Variants in MKX observed in about 807,000 individuals in gnomAD.
The protein encoded by MKX is mohawk homeobox.
A neutral mutation model predicts 36.0 loss-of-function variants in MKX; 13 were observed. The observed-to-expected ratio is 0.36, with a 90% CI of 0.24 to 0.57. The LOEUF (loss-of-function observed/expected upper bound fraction) is 0.57, where lower values mean the gene tolerates loss of function less well. Among genes scored for constraint, MKX ranks in the 20% least tolerant of loss-of-function variants. The pLI is 0.79. For missense variants in MKX, 458 were observed against 456.4 expected (o/e 1.00, Z -0.03); for synonymous variants, 176 against 178.3 (o/e 0.99, Z 0.10).
At chr10:27,731,759 G>A (rs183793393) in intron 5 of MKX, among the ~76,000 whole-genome samples, 73 of 152,058 alleles carry the variant, frequency 4.8e-4, no homozygotes, top group African/African-American at 1.6e-3. Context: ...ACAAGCCACC[G>A]AGATATTTAA....
At chr10:27,687,101 G>A (rs1836370945) in intron 5 of MKX, among the ~76,000 whole-genome samples, 2 of 151,896 alleles carry the variant, frequency 1.3e-5, no homozygotes, top group Admixed American at 1.3e-4. Flanking sequence ...CCGCCTCCTG[G>A]GTTCAAGTGA....
At chr10:27,679,367 A>G (rs1419650470) in intron 5 of MKX, among the ~76,000 whole-genome samples, 1 of 145,916 alleles carries the variant, frequency 6.9e-6, no homozygotes, top group East Asian at 2.2e-4. Context: ...GAAATCAACA[A>G]GGAAAAGCTG....
intron 5 of MKX, among the ~76,000 whole-genome samples, chr10:27,695,454 T>C (rs1836537962): frequency 6.6e-6 from 1 of 151,878 alleles, no homozygotes; most frequent in Non-Finnish European, 1.5e-5. Context: ...AAAAATCTCA[T>C]ATTTTCCATG....
chr10:27,686,579 C>T (rs943697168), intron 5 of MKX, among the ~76,000 whole-genome samples: 6 of 151,810 alleles, frequency 4.0e-5, no homozygotes, highest in African/African-American at 9.7e-5. Context: ...TGGGTTCAAG[C>T]GATTCTCCTG....
intron 5 of MKX, chr10:27,718,671 A>G: frequency 3.1e-6 from 1 of 317,994 alleles, no homozygotes; most frequent in Non-Finnish European, 6.4e-6. Flanking sequence ...ATCCACTTGG[A>G]CTCCAGTCAC....
In MKX at chr10:27,694,254, G is replaced by A. The variant is rs74632489; in HGVS notation, c.839-18700C>T. On this transcript the variant is annotated intron_variant, in intron 5 of 6. Transcript: ENST00000419761. Reference sequence around the variant, plus strand: ...TTTTAAAATAAACAACAGAAATAGAGGGAAAGGCAGAAAGCTGTGCAAAAG... The same window carrying A: ...TTTTAAAATAAACAACAGAAATAGAAGGAAAGGCAGAAAGCTGTGCAAAAG... 9.9e-5 allele frequency among the ~76,000 whole-genome samples: 15 copies of A among 152,116 alleles called. No individual in the cohort carries two copies. In the East Asian group the frequency reaches 2.7e-3, roughly 27 times the overall value.
chr10:27,716,524 A>T (rs1836968117), intron 5 of MKX, among the ~76,000 whole-genome samples: 1 of 152,082 alleles, frequency 6.6e-6, no homozygotes, highest in Admixed American at 6.6e-5. Flanking sequence ...AAATACAAGT[A>T]ACCTTAAGGA....
intron 5 of MKX, among the ~76,000 whole-genome samples, chr10:27,686,295 G>T (rs1042252620): frequency 1.3e-5 from 2 of 151,686 alleles, no homozygotes; most frequent in African/African-American, 4.9e-5. Context: ...TTTATCCTCG[G>T]GGTATAAACA....
chr10:27,701,048 T>C lies in MKX; in HGVS notation c.839-25494A>G, dbSNP rs140398920. ...GGTCTGTTAAAGTAGCCACAAATAA[T>C]TTCCTAGGCTGGATGCCTCTAGCAG... On this transcript the variant is annotated intron_variant, in intron 5 of 6. Transcript: ENST00000419761. Among the ~76,000 whole-genome samples, 4 of 152,318 alleles carry C rather than the reference T, an allele frequency of 2.6e-5. No individual in the cohort carries two copies. The East Asian group carries it at 7.7e-4, about 29-fold the overall frequency.
chr10:27,739,582 A>G (rs1834850282), intron 3 of MKX, among the ~76,000 whole-genome samples: 1 of 152,170 alleles, frequency 6.6e-6, no homozygotes, highest in African/African-American at 2.4e-5. Flanking sequence ...CAGGTGGCAA[A>G]TAATTTAAAA....
chr10:27,743,222 G>C lies in MKX; in HGVS notation c.188+6C>G. The C allele has an allele frequency of 6.7e-7, 1 of 1,492,330 alleles. No individual in the cohort carries two copies. Among genetic ancestry groups the C allele is most frequent in the Non-Finnish European group, 8.9e-7 (1 of 1,127,544 alleles). 92.4% of individuals were successfully genotyped at this position (1,492,330 alleles called of 1,614,324 possible). ...GCGGGCAGGGCCCCCAGGGGAGTGC[G>C]CATACCCGGTCCTCCGGTGTCTCAG... On this transcript the variant is annotated splice_donor_region_variant and intron_variant, in intron 2 of 6. Coordinates refer to ENST00000419761, the MANE Select transcript of MKX (RefSeq NM_173576.3).
At position 27,742,872 on chromosome 10, in the gene MKX, C is replaced by G. The variant is rs1317125121; in HGVS notation, c.188+356G>C. On this transcript the variant is annotated intron_variant, in intron 2 of 6. Coordinates refer to ENST00000419761, the MANE Select transcript of MKX (RefSeq NM_173576.3). This position sits in a 1 kb window ranked among gnomAD's most constrained non-coding sequence, Gnocchi z 4.2. Reference sequence around the variant, plus strand: ...CTCGGCTTCGCCTGTTTCTCTGCACCGAGCTCAGTCCTTTTTCCTCGCCCT... The same window carrying G: ...CTCGGCTTCGCCTGTTTCTCTGCACGGAGCTCAGTCCTTTTTCCTCGCCCT... Among the ~76,000 whole-genome samples, 1 of 152,138 alleles carries G rather than the reference C, an allele frequency of 6.6e-6. No homozygotes were observed. The highest frequency in any genetic ancestry group is 2.4e-5 in the African/African-American group (1 of 41,448).
intron 5 of MKX, among the ~76,000 whole-genome samples, chr10:27,683,579 T>C (rs2132496401): frequency 6.6e-6 from 1 of 152,336 alleles, no homozygotes; most frequent in East Asian, 1.9e-4. Flanking sequence ...CCTGTGATAA[T>C]GATCCAAAGC....
At chr10:27,690,022 C>A (rs192559391) in intron 5 of MKX, among the ~76,000 whole-genome samples, 2 of 152,252 alleles carry the variant, frequency 1.3e-5, no homozygotes, top group African/African-American at 4.8e-5. Context: ...CCATGATTAC[C>A]ACCTAAACTT....
At chr10:27,690,755 C>A (rs1375391654) in intron 5 of MKX, among the ~76,000 whole-genome samples, 1 of 152,146 alleles carries the variant, frequency 6.6e-6, no homozygotes, top group East Asian at 1.9e-4. Context: ...ACTCCAAGCT[C>A]CATAAAGGTA....
chr10:27,704,057 A>G (rs1836708873), intron 5 of MKX, among the ~76,000 whole-genome samples: 1 of 152,242 alleles, frequency 6.6e-6, no homozygotes, highest in Non-Finnish European at 1.5e-5. Context: ...TTTCTTATAT[A>G]AAAAGCAGTT....
intron 5 of MKX, among the ~76,000 whole-genome samples, chr10:27,710,982 G>T (rs919459371): frequency 1.3e-5 from 2 of 152,076 alleles, no homozygotes; most frequent in South Asian, 4.1e-4. Context: ...AAACATTTGT[G>T]CTTACCAATT....
rs200930878 is a variant in MKX at position 27,735,332 on chromosome 10, T to C, written c.391A>G (p.Thr131Ala). The change falls in exon 4 of 7, where the codon ACC becomes GCC. Residue 131 changes from threonine to alanine, a missense_variant. By Grantham distance (58) the Thr-to-Ala change is moderately conservative. Transcript: ENST00000419761. ...CAGCTTAAATCTGGCTGTCGAACGGTATTCTTAAGCCGACGTCTTGCATTA... is the reference window on the plus strand; with the variant it reads ...CAGCTTAAATCTGGCTGTCGAACGGCATTCTTAAGCCGACGTCTTGCATTA... ...FANARRRLKN[T>A]VRQPDLSWAL... is the part of the protein sequence containing the mutation. The C allele has an allele frequency of 2.9e-5, 47 of 1,613,892 alleles. No homozygotes were observed. The East Asian group carries it at 1.0e-3, about 35-fold the overall frequency.
chr10:27,681,469 A>G (rs1448424961), intron 5 of MKX, among the ~76,000 whole-genome samples: 1 of 151,990 alleles, frequency 6.6e-6, no homozygotes, highest in Non-Finnish European at 1.5e-5. Context: ...ACAAACAAAC[A>G]AACACACCTA....
Sources: allele counts gnomAD v4.1 joint callset (sites outside exome capture counted in the v4.1 genomes callset), GRCh38; gene constraint gnomAD v4.1.1; non-coding constraint Gnocchi (gnomAD v3.1); transcripts MANE v1.5; gene names NCBI Gene and HGNC (gene_info 2026-07-23, HGNC 2026-07-21).